Variants in CIT observed in about 807,000 individuals in gnomAD.
CIT encodes citron rho-interacting serine/threonine kinase.
In CIT, 79 loss-of-function variants were observed where a neutral mutation model predicts 272.7. The observed-to-expected ratio is 0.29, with a 90% confidence interval of 0.24 to 0.35. The LOEUF (loss-of-function observed/expected upper bound fraction) is 0.35, where lower values mean the gene tolerates loss of function less well. CIT is among the 10% of genes least tolerant of loss of function. The pLI is 1.00. For missense variants in CIT, 1,909 were observed against 2,618.3 expected (o/e 0.73, Z 5.91); for synonymous variants, 948 against 995.6 (o/e 0.95, Z 0.90).
chr12:119,718,255 T>C lies in CIT; in HGVS notation c.4158A>G (p.Ser1386=), dbSNP rs1253348652. 6.8e-6 allele frequency: 11 copies of C among 1,612,868 alleles called. No individual in the cohort carries two copies. Among genetic ancestry groups the C allele is most frequent in the Non-Finnish European group, 9.3e-6 (11 of 1,179,262 alleles). ...ACAACTCCAACGTACCCTCTGGAGT[T>C]GAAGACTCCTTTCTGCGGCTGGATG... ...APPSSRRKES[S]TPEEFSRRLK... Residue 1386 remains serine, a synonymous_variant, in exon 32 of 48, where the codon TCA becomes TCG. Transcript: ENST00000392521. This position sits in a 1 kb window ranked among gnomAD's most constrained non-coding sequence, Gnocchi z 4.8.
At chr12:119,764,451 A>T (rs896024243) in intron 19 of CIT, among the ~76,000 whole-genome samples, 1 of 152,118 alleles carries the variant, frequency 6.6e-6, no homozygotes, top group African/African-American at 2.4e-5. Flanking sequence ...TTAAAACTCA[A>T]CAGAAAATTT....
rs538423612 is a variant in CIT at position 119,752,043 on chromosome 12, G to C, written c.2904+7C>G. 8.1e-6 allele frequency: 13 copies of C among 1,609,978 alleles called. No individual in the cohort carries two copies. In the South Asian group the frequency reaches 1.2e-4, roughly 15 times the overall value. On this transcript the variant is annotated splice_region_variant and intron_variant, in intron 23 of 47. Coordinates refer to ENST00000392521, the MANE Select transcript of CIT (RefSeq NM_001206999.2). ...AGCAACCTGAAGATGTTGCTCCCCA[G>C]ACCTACCGTGAGTGCCTGGATCTCC...
At chr12:119,744,333 T>C (rs1294391502) in intron 23 of CIT, among the ~76,000 whole-genome samples, 1 of 151,912 alleles carries the variant, frequency 6.6e-6, no homozygotes. Flanking sequence ...TCTGCTTATG[T>C]ATGAAAACCC....
chr12:119,809,207 T>A (rs1966763370), intron 9 of CIT, among the ~76,000 whole-genome samples: 1 of 152,130 alleles, frequency 6.6e-6, no homozygotes, highest in South Asian at 2.1e-4. Context: ...TCTTGATGGA[T>A]TGACAGATGT....
At chr12:119,698,143 C>G in intron 44 of CIT, 89 bp from the exon 45 acceptor site, 3 of 1,179,844 alleles carry the variant, frequency 2.5e-6, no homozygotes, top group Non-Finnish European at 3.8e-6. Context: ...TTCTTTGACC[C>G]AGCAATCCTG....
chr12:119,754,791 T>C (rs913066622), intron 22 of CIT, among the ~76,000 whole-genome samples: 5 of 152,184 alleles, frequency 3.3e-5, no homozygotes, highest in African/African-American at 1.2e-4. Flanking sequence ...AAGTTTCTCT[T>C]ACCATCCTTG....
chr12:119,822,890 C>G lies in CIT; in HGVS notation c.1041G>C (p.Glu347Asp). Residue 347 changes from glutamate (E) to aspartate (D), a missense_variant, in exon 9 of 48, where the codon GAG becomes GAC. Glu to Asp is a conservative substitution (Grantham distance 45). Around this residue, in one of 8 missense-constraint regions of CIT, gnomAD observed 529 missense variants for 549.6 expected, o/e 0.96. Coordinates refer to ENST00000392521, the MANE Select transcript of CIT (RefSeq NM_001206999.2). Reference sequence around the variant, plus strand: ...AGCAAAGACCTTCAAACTTCAGTCTCTCTTTCTGGCCGCACAACAAGCTTT... The same window carrying G: ...AGCAAAGACCTTCAAACTTCAGTCTGTCTTTCTGGCCGCACAACAAGCTTT... Reference protein sequence around the residue: ...LIQSLLCGQKERLKFEGLCCH... With the variant: ...LIQSLLCGQKDRLKFEGLCCH... The G allele has an allele frequency of 6.2e-7, 1 of 1,614,134 alleles. No individual in the cohort carries two copies. The highest frequency in any genetic ancestry group is 8.5e-7 in the Non-Finnish European group (1 of 1,180,024).
At chr12:119,703,133 G>A (rs1278450383) in intron 41 of CIT, among the ~76,000 whole-genome samples, 1 of 151,692 alleles carries the variant, frequency 6.6e-6, no homozygotes. Flanking sequence ...AAAACTTTGA[G>A]GAAGCACGAT....
At chr12:119,820,495 AGCCGAGATCGT>A (rs1967602440) in intron 9 of CIT, among the ~76,000 whole-genome samples, 1 of 152,184 alleles carries the variant, frequency 6.6e-6, no homozygotes, top group East Asian at 1.9e-4. Context: ...GGTTGCAGTG[AGCCGAGATCGT>A]GCCACCACAC....
chr12:119,805,466 T>C (rs926610565), intron 9 of CIT, among the ~76,000 whole-genome samples: 24 of 152,240 alleles, frequency 1.6e-4, no homozygotes, highest in African/African-American at 5.5e-4. Context: ...AGGAATTGCA[T>C]GCTTAGGAGA....
chr12:119,767,147 T>C lies in CIT; in HGVS notation c.2244A>G (p.Ser748=), dbSNP rs747612518. 5 of 1,610,726 alleles carry C rather than the reference T, an allele frequency of 3.1e-6. No homozygotes were observed. In the Admixed American group the frequency reaches 8.4e-5, roughly 27 times the overall value. ...TCAGGTGCACTTCTAGGTGCTGGGC[T>C]GAGACTTGGGCCTCCCGATGTTTCT... ...LEEKHREAQV[S]AQHLEVHLKQ... is the part of the protein sequence containing the mutation. The change falls in exon 19 of 48, where the codon TCA becomes TCG. Residue 748 remains serine (S), a synonymous_variant. Transcript: ENST00000392521.
intron 13 of CIT, among the ~76,000 whole-genome samples, chr12:119,781,063 T>G (rs375678562): frequency 1.3e-3 from 191 of 152,314 alleles, no homozygotes; most frequent in Non-Finnish European, 2.2e-3. Flanking sequence ...AAAAGTAAAT[T>G]TCCAGGTATG....
At chr12:119,750,031 T>G (rs368395730) in intron 23 of CIT, among the ~76,000 whole-genome samples, 1 of 152,186 alleles carries the variant, frequency 6.6e-6, no homozygotes, top group African/African-American at 2.4e-5. Context: ...TTTGAGGAAT[T>G]ACAGACCAAT....
chr12:119,697,558 A>C lies in CIT; in HGVS notation c.5882+101T>G. ...ATGAATGGTTTGAGCTTAAGAACAA[A>C]GTGAAGATTGGGAAACATTCTACTG... On this transcript the variant is annotated intron_variant, in intron 46 of 47. Coordinates refer to ENST00000392521, the MANE Select transcript of CIT (RefSeq NM_001206999.2). This position sits in a 1 kb window ranked among gnomAD's most constrained non-coding sequence, Gnocchi z 4.9. 8.1e-7 allele frequency: 1 copy of C among 1,235,640 alleles called. No homozygotes were observed. Among genetic ancestry groups the C allele is most frequent in the East Asian group, 2.3e-5 (1 of 42,942 alleles). 76.5% of individuals were successfully genotyped at this position (1,235,640 alleles called of 1,614,324 possible).
intron 9 of CIT, among the ~76,000 whole-genome samples, chr12:119,815,583 G>A (rs1211665539): frequency 1.3e-5 from 2 of 152,024 alleles, no homozygotes; most frequent in African/African-American, 4.8e-5. Flanking sequence ...GCGCATGCCT[G>A]TAATCCCAGC....
Position 119,697,530 on chromosome 12 carries a change from CAAAT to C in CIT, c.5882+125_5882+128del, listed in dbSNP as rs1393370643. On this transcript the variant is annotated intron_variant, in intron 46 of 47. Transcript: ENST00000392521. The surrounding 1 kb of genome is among the most constrained non-coding windows in gnomAD (Gnocchi z 4.9). ...TTATTTCAGTGCCGCAGATCGCAAA[CAAAT>C]GAATGGTTTGAGCTTAAGAACAAAG... is the stretch of plus-strand genomic sequence containing the variant. The C allele has an allele frequency of 1.4e-5, 14 of 1,020,740 alleles. No individual in the cohort carries two copies. Among genetic ancestry groups the C allele is most frequent in the East Asian group, 1.2e-4 (5 of 41,922 alleles). The allele number at this position is 1,020,740 out of a possible 1,614,324, so 63.2% of individuals were successfully genotyped here.
chr12:119,832,320 A>G (rs570653379), intron 7 of CIT, among the ~76,000 whole-genome samples: 9 of 152,334 alleles, frequency 5.9e-5, no homozygotes, highest in Middle Eastern at 6.8e-3. Context: ...CTTAAAAATG[A>G]TATTTTGAGC....
chr12:119,738,062 A>G (rs1186291202), intron 24 of CIT, among the ~76,000 whole-genome samples: 1 of 152,174 alleles, frequency 6.6e-6, no homozygotes, highest in Non-Finnish European at 1.5e-5. Flanking sequence ...TTTTATTTCT[A>G]TTTTATAGAT....
At chr12:119,798,915 G>A (rs1566061014) in intron 10 of CIT, among the ~76,000 whole-genome samples, 1 of 152,348 alleles carries the variant, frequency 6.6e-6, no homozygotes, top group East Asian at 1.9e-4. Context: ...AATGGTGTTT[G>A]CTTTACTTTC....
Sources: gnomAD v4.1 joint callset for allele counts (sites outside exome capture counted in the v4.1 genomes callset) on GRCh38, gnomAD v4.1.1 for gene constraint, gnomAD v4.1.1 regional missense constraint, Gnocchi (gnomAD v3.1) non-coding constraint, MANE v1.5 for transcripts, NCBI Gene and HGNC (gene_info 2026-07-23, HGNC 2026-07-21) for gene names.